The following KDM4B variants were observed in gnomAD, a reference collection of about 807,000 sequenced individuals.
KDM4B encodes lysine-specific demethylase 4B.
In KDM4B, 32 loss-of-function variants were observed where a neutral mutation model predicts 125.2. The ratio of observed to expected loss-of-function variants is 0.26; its 90% CI spans 0.19 to 0.34. The LOEUF (loss-of-function observed/expected upper bound fraction) is 0.34, where lower values mean the gene tolerates loss of function less well. Among genes scored for constraint, KDM4B ranks in the 10% least tolerant of loss-of-function variants. KDM4B has a pLI of 1.00. For missense variants in KDM4B, 1,190 were observed against 1,577.7 expected (o/e 0.75, Z 4.16); for synonymous variants, 721 against 677.9 (o/e 1.06, Z -0.99).
At chr19:5,023,818 C>T (rs2036198419) in intron 2 of KDM4B, among the ~76,000 whole-genome samples, 1 of 122,762 alleles carries the variant, frequency 8.1e-6, no homozygotes, top group South Asian at 2.7e-4. Flanking sequence ...GGCTGGAGTA[C>T]AGTGGTGCAG....
At position 5,082,971 on chromosome 19, in the gene KDM4B, C is replaced by T. The variant is rs2038350203; in HGVS notation, c.918+467C>T. On this transcript the variant is annotated intron_variant, in intron 9 of 22. Coordinates refer to ENST00000159111, the MANE Select transcript of KDM4B (RefSeq NM_015015.3). The surrounding 1 kb of genome is among the most constrained non-coding windows in gnomAD (Gnocchi z 5.4). Reference sequence around the variant, plus strand: ...GCAGGAGCCCACTCAGGCATCTGCCCCCCTCCCTCCCTGCTCCCCTGTCAG... The same window carrying T: ...GCAGGAGCCCACTCAGGCATCTGCCTCCCTCCCTCCCTGCTCCCCTGTCAG... Among the ~76,000 whole-genome samples the T allele has an allele frequency of 6.6e-6, 1 of 152,182 alleles. No individual in the cohort carries two copies. Among genetic ancestry groups the T allele is most frequent in the Admixed American group, 6.5e-5 (1 of 15,284 alleles).
intron 9 of KDM4B, among the ~76,000 whole-genome samples, chr19:5,100,621 G>T (rs1253868844): frequency 6.6e-6 from 1 of 152,120 alleles, no homozygotes; most frequent in Non-Finnish European, 1.5e-5. Flanking sequence ...GTCTCGCCAT[G>T]TTGCCCAGGC....
chr19:5,077,743 C>G (rs536610418), intron 8 of KDM4B: 1 of 435,482 alleles, frequency 2.3e-6, no homozygotes, highest in East Asian at 4.3e-5. Flanking sequence ...ATCAGAGGCC[C>G]CTCCGCAGGG....
In KDM4B at chr19:5,110,697, C is replaced by T. The variant is rs2039124248; in HGVS notation, c.994C>T (p.Leu332=). Residue 332 remains leucine (L), a synonymous_variant, in exon 10 of 23, where the codon CTG becomes TTG. Coordinates refer to ENST00000159111, the MANE Select transcript of KDM4B (RefSeq NM_015015.3). ...VRILQPERYE[L]WKQGKDLTVL... The stretch of plus-strand genomic sequence containing the variant: ...CATCCTGCAGCCCGAGCGCTACGAG[C>T]TGTGGAAGCAGGGCAAGGACCTCAC... 3 of 1,612,862 alleles carry T rather than the reference C, an allele frequency of 1.9e-6. No homozygotes were observed. The highest frequency in any genetic ancestry group is 1.1e-5 in the South Asian group (1 of 91,088).
intron 1 of KDM4B, among the ~76,000 whole-genome samples, chr19:5,007,594 G>A (rs956711859): frequency 2.3e-4 from 32 of 136,636 alleles, no homozygotes; most frequent in African/African-American, 8.5e-4. Flanking sequence ...CTCCTAGGCT[G>A]GAGTGCAGTG....
chr19:5,050,894 C>T (rs1406504550), intron 6 of KDM4B, among the ~76,000 whole-genome samples: 1 of 152,042 alleles, frequency 6.6e-6, no homozygotes, highest in African/African-American at 2.4e-5. Flanking sequence ...AGTGAGACTC[C>T]GTCTCAAAAT....
At chr19:5,084,475 TA>T (rs2038412502) in intron 9 of KDM4B, among the ~76,000 whole-genome samples, 1 of 139,948 alleles carries the variant, frequency 7.1e-6, no homozygotes, top group African/African-American at 2.6e-5. Context: ...TATATATAAA[TA>T]TAAATTATAT....
chr19:5,069,893 C>T (rs1449705380), intron 6 of KDM4B, among the ~76,000 whole-genome samples: 1 of 152,194 alleles, frequency 6.6e-6, no homozygotes, highest in Non-Finnish European at 1.5e-5. Context: ...AGGCATGAGC[C>T]ACCGCGCCTG....
At chr19:5,113,956 G>A (rs1280567926) in intron 10 of KDM4B, 3 of 1,227,812 alleles carry the variant, frequency 2.4e-6, no homozygotes, top group Non-Finnish European at 3.1e-6. Context: ...CTCCCTGCTC[G>A]CCACCTTACA....
At chr19:4,992,978 T>C (rs2035075561) in intron 1 of KDM4B, among the ~76,000 whole-genome samples, 2 of 152,228 alleles carry the variant, frequency 1.3e-5, no homozygotes. Flanking sequence ...GCTTGTTTTA[T>C]GGACTAACAT....
chr19:4,991,460 A>G (rs1183985260), intron 1 of KDM4B, among the ~76,000 whole-genome samples: 4 of 152,190 alleles, frequency 2.6e-5, no homozygotes, highest in Non-Finnish European at 4.4e-5. Context: ...CAAAAGCAAA[A>G]ATAAGAATGA....
intron 9 of KDM4B, among the ~76,000 whole-genome samples, chr19:5,109,251 G>A (rs2039092412): frequency 6.6e-6 from 1 of 152,132 alleles, no homozygotes; most frequent in African/African-American, 2.4e-5. Flanking sequence ...ATCCCAGTAG[G>A]TACGTGACAG....
intron 11 of KDM4B, among the ~76,000 whole-genome samples, chr19:5,124,253 C>T (rs1419671893): frequency 6.7e-6 from 1 of 148,812 alleles, no homozygotes; most frequent in Admixed American, 6.7e-5. Context: ...ATGGACCCTT[C>T]AGGAGGGCAG....
chr19:5,058,359 A>G (rs1343553591), intron 6 of KDM4B, among the ~76,000 whole-genome samples: 2 of 152,184 alleles, frequency 1.3e-5, no homozygotes, highest in African/African-American at 4.8e-5. Flanking sequence ...GAGCAGTGCC[A>G]GGCCCGGGAG....
Position 5,141,832 on chromosome 19 carries a change from G to A in KDM4B, c.2551-2135G>A, listed in dbSNP as rs1048845804. Among the ~76,000 whole-genome samples, 1 of 152,140 alleles carries A rather than the reference G, an allele frequency of 6.6e-6. No homozygotes were observed. The highest frequency in any genetic ancestry group is 6.5e-5 in the Admixed American group (1 of 15,284). ...CAAAAGCACCGGGAGCTCCCTGGAG[G>A]ATCTGGGAGGTCTGGGAGGGGCTTG... On this transcript the variant is annotated intron_variant, in intron 18 of 22. Coordinates refer to ENST00000159111, the MANE Select transcript of KDM4B (RefSeq NM_015015.3). This position sits in a 1 kb window ranked among gnomAD's most constrained non-coding sequence, Gnocchi z 6.4.
At chr19:5,118,064 G>A (rs888774273) in intron 10 of KDM4B, among the ~76,000 whole-genome samples, 2 of 152,152 alleles carry the variant, frequency 1.3e-5, no homozygotes, top group African/African-American at 2.4e-5. Context: ...TCCCGAGGGA[G>A]CATGGGCTGC....
At chr19:5,029,469 G>A (rs190504036) in intron 2 of KDM4B, among the ~76,000 whole-genome samples, 17 of 152,344 alleles carry the variant, frequency 1.1e-4, no homozygotes, top group South Asian at 2.1e-4. Flanking sequence ...AGGTTATGGC[G>A]CGTGGGGATT....
chr19:5,083,843 C>T (rs2038383233), intron 9 of KDM4B, among the ~76,000 whole-genome samples: 1 of 152,162 alleles, frequency 6.6e-6, no homozygotes, highest in African/African-American at 2.4e-5. Flanking sequence ...CCTCCAGAGC[C>T]GGGGTCAGCA....
intron 7 of KDM4B, 143 bp from the exon 8 acceptor site, chr19:5,077,224 A>G (rs549057916): frequency 2.8e-6 from 2 of 704,140 alleles, no homozygotes; most frequent in South Asian, 3.4e-5. Context: ...CCTGAGAACC[A>G]AGGGCAGATC....
Sources: allele counts gnomAD v4.1 joint callset (sites outside exome capture counted in the v4.1 genomes callset), GRCh38; gene constraint gnomAD v4.1.1; non-coding constraint Gnocchi (gnomAD v3.1); transcripts MANE v1.5; gene names NCBI Gene and HGNC (gene_info 2026-07-23, HGNC 2026-07-21).